The following RBX1 variants were observed in gnomAD, a reference collection of about 807,000 sequenced individuals.
RBX1 encodes ring-box 1.
For missense variants in RBX1, 46 were observed against 141.4 expected, an observed-to-expected ratio of 0.33 and a Z score of 3.42; for synonymous variants, 48 against 47.9, an observed-to-expected ratio of 1.00 and a Z score of -0.01.
chr22:40,960,579 T>C (rs554321371), intron 2 of RBX1, among the ~76,000 whole-genome samples: 242 of 152,318 alleles, frequency 1.6e-3, no homozygotes, highest in African/African-American at 5.7e-3. Flanking sequence ...GAAACAGTTT[T>C]GATTTTCACT....
rs1302722824 is a variant in RBX1 at position 40,951,494 on chromosome 22, C to T, written c.78+18C>T. 3 of 1,610,726 alleles carry T rather than the reference C, an allele frequency of 1.9e-6. No individual in the cohort carries two copies. The highest frequency in any genetic ancestry group is 1.3e-5 in the African/African-American group (1 of 75,014). ...TGAAAAAGGTTGGGTCTCGCCAGCGCCTTCCTCAGGGAAGCTAGAGAGGCG... is the reference window on the plus strand; with the variant it reads ...TGAAAAAGGTTGGGTCTCGCCAGCGTCTTCCTCAGGGAAGCTAGAGAGGCG... On this transcript the variant is annotated intron_variant, in intron 1 of 4. Coordinates refer to ENST00000216225, the MANE Select transcript of RBX1 (RefSeq NM_014248.4).
chr22:40,951,449 G>C lies in RBX1; in HGVS notation c.51G>C (p.Ala17=), dbSNP rs1199647062. ...CCCCGAGCGGCACCAACAGCGGCGC[G>C]GGCAAGAAGCGCTTTGAAGTGAAAA... ...VDTPSGTNSG[A]GKKRFEVKKW... is the part of the protein sequence containing the mutation. The change falls in exon 1 of 5, where the codon GCG becomes GCC. Residue 17 remains alanine (A), a synonymous_variant. Transcript: ENST00000216225. 1.5e-5 allele frequency: 25 copies of C among 1,613,582 alleles called. No homozygotes were observed. The highest frequency in any genetic ancestry group is 2.1e-5 in the Non-Finnish European group (25 of 1,179,876).
At chr22:40,970,850 A>G (rs894974762) in intron 4 of RBX1, among the ~76,000 whole-genome samples, 5 of 152,204 alleles carry the variant, frequency 3.3e-5, no homozygotes, top group African/African-American at 9.6e-5. Flanking sequence ...AACATTTGGA[A>G]GTCTTATCAA....
chr22:40,965,482 C>T (rs1366435855), intron 3 of RBX1, among the ~76,000 whole-genome samples: 1 of 150,704 alleles, frequency 6.6e-6, no homozygotes, highest in Non-Finnish European at 1.5e-5. Context: ...ACTATGTGGC[C>T]CAGGCTGGAG....
intron 4 of RBX1, among the ~76,000 whole-genome samples, chr22:40,968,173 G>C (rs9619925): frequency 0.066 from 9,464 of 143,764 alleles, 981 homozygotes; most frequent in African/African-American, 0.23. Flanking sequence ...TCACTGCAAC[G>C]TCCACCTCCC....
chr22:40,952,673 CAT>C (rs1555893804), intron 1 of RBX1, among the ~76,000 whole-genome samples: 1 of 150,770 alleles, frequency 6.6e-6, no homozygotes, highest in Non-Finnish European at 1.5e-5. Context: ...AGAGTCTAAA[CAT>C]ATAAAAGTTG....
intron 4 of RBX1, among the ~76,000 whole-genome samples, chr22:40,968,177 A>G (rs1333125666): frequency 7.4e-6 from 1 of 136,022 alleles, no homozygotes; most frequent in African/African-American, 2.8e-5. Context: ...TGCAACGTCC[A>G]CCTCCCAGAT....
chr22:40,961,140 T>C (rs908327282), intron 2 of RBX1, among the ~76,000 whole-genome samples: 3 of 139,680 alleles, frequency 2.1e-5, no homozygotes, highest in African/African-American at 8.1e-5. Context: ...TAGGCTGGAG[T>C]GCAGTGGTAC....
intron 3 of RBX1, 65 bp downstream of exon 3, chr22:40,964,182 A>C: frequency 1.6e-6 from 2 of 1,279,052 alleles, no homozygotes; most frequent in Non-Finnish European, 2.3e-6. Flanking sequence ...CTGCTTTGCT[A>C]GTCTTGAAAA....
At chr22:40,960,908 G>A (rs1204511379) in intron 2 of RBX1, among the ~76,000 whole-genome samples, 3 of 151,762 alleles carry the variant, frequency 2.0e-5, no homozygotes, top group Admixed American at 1.3e-4. Flanking sequence ...ATAGGCATGC[G>A]CCACCCACCA....
chr22:40,957,543 T>G (rs1263574074), intron 2 of RBX1, among the ~76,000 whole-genome samples: 11 of 151,612 alleles, frequency 7.3e-5, no homozygotes, highest in Admixed American at 1.3e-4. Flanking sequence ...GAGGCTGAGG[T>G]GGGAAGATCC....
At position 40,961,177 on chromosome 22, in the gene RBX1, G is replaced by A. The variant is rs374835416; in HGVS notation, c.158-2870G>A. On this transcript the variant is annotated intron_variant, in intron 2 of 4. Transcript: ENST00000216225. ...ATCATGGTGCACTGCAGCCTCAACC[G>A]CCTGTGCTCAAGCCATTCTCCTGCC... Among the ~76,000 whole-genome samples the A allele has an allele frequency of 6.0e-5, 8 of 132,430 alleles. No individual in the cohort carries two copies. In the East Asian group the frequency reaches 7.8e-4, roughly 13 times the overall value. 86.9% of individuals were successfully genotyped at this position (132,430 alleles called of 152,430 possible).
chr22:40,957,438 G>A (rs1007832305), intron 2 of RBX1, among the ~76,000 whole-genome samples: 3 of 151,568 alleles, frequency 2.0e-5, no homozygotes, highest in Admixed American at 6.6e-5. Flanking sequence ...TTGAGCCTAG[G>A]AGTTCAAGAC....
intron 3 of RBX1, 137 bp downstream of exon 3, chr22:40,964,254 G>T: frequency 1.6e-6 from 1 of 623,970 alleles, no homozygotes; most frequent in Non-Finnish European, 2.8e-6. Flanking sequence ...TAGTAAAAAA[G>T]ATTTTAAATC....
At chr22:40,951,592 C>G (rs2058310546) in intron 1 of RBX1, 116 bp downstream of exon 1, 1 of 959,442 alleles carries the variant, frequency 1.0e-6, no homozygotes, top group African/African-American at 1.6e-5. Flanking sequence ...GTTCCTGGGA[C>G]CGGGTACCAC....
chr22:40,955,974 C>G (rs1210617918), intron 2 of RBX1, among the ~76,000 whole-genome samples: 1 of 152,166 alleles, frequency 6.6e-6, no homozygotes, highest in East Asian at 1.9e-4. Context: ...CTTGCATTTT[C>G]ACAAGGAGTT....
At chr22:40,965,624 A>G (rs1001567209) in intron 3 of RBX1, among the ~76,000 whole-genome samples, 8 of 151,934 alleles carry the variant, frequency 5.3e-5, no homozygotes, top group Non-Finnish European at 1.2e-4. Context: ...TATTTTTAGT[A>G]GAGATGGGGT....
chr22:40,957,057 A>G (rs1043625934), intron 2 of RBX1, among the ~76,000 whole-genome samples: 1 of 149,248 alleles, frequency 6.7e-6, no homozygotes, highest in Non-Finnish European at 1.5e-5. Flanking sequence ...AAAAAGAAAC[A>G]TACTCTTAGG....
At chr22:40,953,654 G>T in intron 2 of RBX1, 21 bp downstream of exon 2, 1 of 1,543,158 alleles carries the variant, frequency 6.5e-7, no homozygotes, top group South Asian at 1.1e-5. Context: ...GGAGGAGGAT[G>T]GGAGGAAGTT....
Sources: allele counts gnomAD v4.1 joint callset (sites outside exome capture counted in the v4.1 genomes callset), GRCh38; gene constraint gnomAD v4.1.1; transcripts MANE v1.5; gene names NCBI Gene and HGNC (gene_info 2026-07-23, HGNC 2026-07-21).